Variants in CDC27 observed in about 807,000 individuals in gnomAD.
The protein encoded by CDC27 is cell division cycle 27.
A neutral mutation model predicts 109.7 loss-of-function variants in CDC27; 27 were observed. The ratio of observed to expected loss-of-function variants is 0.25; its 90% CI spans 0.18 to 0.34. CDC27 has a LOEUF of 0.34. Ranked by LOEUF, CDC27 falls within the 10% of genes least tolerant of loss-of-function variation. The pLI, the probability that CDC27 is intolerant of heterozygous loss-of-function variation, is 1.00. For synonymous variants in CDC27, 266 were observed against 333.9 expected, an observed-to-expected ratio of 0.80 and a Z score of 2.22; for missense variants, 579 against 960.2, an observed-to-expected ratio of 0.60 and a Z score of 5.25.
At chr17:47,167,669 A>T (rs1235061660) in intron 4 of CDC27, among the ~76,000 whole-genome samples, 2 of 152,222 alleles carry the variant, frequency 1.3e-5, no homozygotes, top group African/African-American at 4.8e-5. Flanking sequence ...TAACAGTAAC[A>T]ATCATCAATA....
rs751045019 is a variant in CDC27, at chr17:47,145,881, C to G, written c.1071-1899G>C. ...CATTGCATTGCAGCCTGGGCGACAA[C>G]AGCGAAACTCTGTCTCAAAAAAAAA... On this transcript the variant is annotated intron_variant, in intron 9 of 18. Coordinates refer to ENST00000066544, the MANE Select transcript of CDC27 (RefSeq NM_001256.6). 4.6e-5 allele frequency among the ~76,000 whole-genome samples: 7 copies of G among 151,258 alleles called. No homozygotes were observed. In the East Asian group the frequency reaches 5.8e-4, roughly 13 times the overall value.
At chr17:47,134,153 CCT>C (rs2062491765) in intron 14 of CDC27, among the ~76,000 whole-genome samples, 1 of 152,134 alleles carries the variant, frequency 6.6e-6, no homozygotes, top group Non-Finnish European at 1.5e-5. Flanking sequence ...CCCACCTTGG[CCT>C]CCCAAACGCT....
At chr17:47,122,322 T>C in intron 18 of CDC27, 122 bp downstream of exon 18, 1 of 621,198 alleles carries the variant, frequency 1.6e-6, no homozygotes, top group Non-Finnish European at 2.6e-6. Context: ...TCAATTTCCC[T>C]AAAAGTCCAT....
intron 1 of CDC27, among the ~76,000 whole-genome samples, chr17:47,183,700 T>C (rs1438193627): frequency 1.3e-5 from 2 of 152,218 alleles, no homozygotes; most frequent in African/African-American, 2.4e-5. Context: ...AGTGATGTTT[T>C]CCTTACTATA....
At chr17:47,134,860 A>T (rs2062528468) in intron 14 of CDC27, among the ~76,000 whole-genome samples, 1 of 150,716 alleles carries the variant, frequency 6.6e-6, no homozygotes, top group South Asian at 2.1e-4. Context: ...CCTGGTCTCA[A>T]GTAATCTTCC....
intron 1 of CDC27, among the ~76,000 whole-genome samples, chr17:47,185,159 C>T (rs2064382526): frequency 6.6e-6 from 1 of 152,062 alleles, no homozygotes; most frequent in Non-Finnish European, 1.5e-5. Context: ...TGTACTTAGA[C>T]TTAAATGTAA....
At chr17:47,170,162 T>C in intron 3 of CDC27, 120 bp from the exon 4 acceptor site, 1 of 616,658 alleles carries the variant, frequency 1.6e-6, no homozygotes, top group Non-Finnish European at 2.6e-6. Flanking sequence ...TCTCTCTCTC[T>C]TTCCTTTTCC....
At chr17:47,163,731 C>A (rs922409398) in intron 4 of CDC27, among the ~76,000 whole-genome samples, 1 of 152,174 alleles carries the variant, frequency 6.6e-6, no homozygotes, top group Non-Finnish European at 1.5e-5. Flanking sequence ...TACAACAGAT[C>A]ACATGTATGA....
intron 2 of CDC27, chr17:47,181,254 CA>C (rs34104273): frequency 4.3e-3 from 134 of 31,200 alleles, no homozygotes; most frequent in East Asian, 0.012. Context: ...GACCCTGTTT[CA>C]AAAAAAAAAA....
chr17:47,185,925 T>C (rs2064417079), intron 1 of CDC27, among the ~76,000 whole-genome samples: 1 of 152,220 alleles, frequency 6.6e-6, no homozygotes, highest in African/African-American at 2.4e-5. Context: ...GTCTAGAGGG[T>C]ATTTTTGGTT....
At chr17:47,123,204 C>T (rs2062027770) in intron 17 of CDC27, among the ~76,000 whole-genome samples, 1 of 152,018 alleles carries the variant, frequency 6.6e-6, no homozygotes, top group Non-Finnish European at 1.5e-5. Flanking sequence ...TTATAAACTG[C>T]TTAATTAACT....
intron 1 of CDC27, among the ~76,000 whole-genome samples, chr17:47,188,199 T>C (rs1053909723): frequency 6.6e-6 from 1 of 152,104 alleles, no homozygotes; most frequent in South Asian, 2.1e-4. Flanking sequence ...ATGACAGCAG[T>C]TGATAGAGGT....
At chr17:47,175,488 T>C (rs1027318663) in intron 2 of CDC27, among the ~76,000 whole-genome samples, 2 of 152,186 alleles carry the variant, frequency 1.3e-5, no homozygotes, top group East Asian at 1.9e-4. Context: ...ATAGAACCTA[T>C]GGAACTTTTT....
At position 47,185,898 on chromosome 17, in the gene CDC27, C is replaced by A. The variant is rs138213658; in HGVS notation, c.27+3248G>T. Among the ~76,000 whole-genome samples the A allele has an allele frequency of 4.9e-4, 74 of 152,296 alleles. 1 individual carries two copies. In the East Asian group the frequency reaches 0.013, roughly 28 times the overall value. On this transcript the variant is annotated intron_variant, in intron 1 of 18. Transcript: ENST00000066544. ...TTTGCCTTCTTACTCCCAATTAATG[C>A]CCCAACATTTAGCAATGTCTAGAGG...
At chr17:47,147,346 T>C (rs199702746) in intron 9 of CDC27, among the ~76,000 whole-genome samples, 3 of 148,152 alleles carry the variant, frequency 2.0e-5, no homozygotes, top group African/African-American at 2.5e-5. Flanking sequence ...TTGCAGTGAG[T>C]CGAGATCGCG....
At chr17:47,127,617 G>A (rs2062184835) in intron 16 of CDC27, among the ~76,000 whole-genome samples, 1 of 152,004 alleles carries the variant, frequency 6.6e-6, no homozygotes. Flanking sequence ...TGGCCGGGCT[G>A]GCCTCAAACT....
At chr17:47,172,774 A>G (rs534922344) in intron 2 of CDC27, among the ~76,000 whole-genome samples, 2 of 152,160 alleles carry the variant, frequency 1.3e-5, no homozygotes, top group Non-Finnish European at 1.5e-5. Context: ...TGTCTCTACT[A>G]AACTGATCAT....
At chr17:47,122,957 G>A (rs1250529924) in intron 17 of CDC27, among the ~76,000 whole-genome samples, 1 of 151,866 alleles carries the variant, frequency 6.6e-6, no homozygotes, top group Non-Finnish European at 1.5e-5. Flanking sequence ...GTGAGCCACC[G>A]CGCCCAGCCT....
intron 12 of CDC27, among the ~76,000 whole-genome samples, chr17:47,141,024 C>T (rs2062778197): frequency 6.6e-6 from 1 of 152,146 alleles, no homozygotes; most frequent in African/African-American, 2.4e-5. Flanking sequence ...TGTTCTTATA[C>T]ATTTATTGGC....
Sources: allele counts gnomAD v4.1 joint callset (sites outside exome capture counted in the v4.1 genomes callset), GRCh38; gene constraint gnomAD v4.1.1; transcripts MANE v1.5; gene names NCBI Gene and HGNC (gene_info 2026-07-23, HGNC 2026-07-21).